PDZD9: variants seen among roughly 807,000 people sequenced by gnomAD.
PDZD9 encodes PDZ domain-containing protein 9.
Under a neutral mutation model 16.3 loss-of-function variants are expected in PDZD9, and 13 were observed. The ratio of observed to expected loss-of-function variants is 0.80; its 90% CI spans 0.52 to 1.27. The LOEUF (loss-of-function observed/expected upper bound fraction) is 1.27. PDZD9 is among the 50% of genes most tolerant of loss of function. The pLI is 0.00. For synonymous variants in PDZD9, 120 were observed against 111.0 expected (o/e 1.08, Z -0.51); for missense variants, 288 against 310.9 (o/e 0.93, Z 0.55).
intron 1 of PDZD9, 90 bp from the exon 2 acceptor site, chr16:21,996,591 C>T: frequency 8.3e-7 from 1 of 1,208,884 alleles, no homozygotes; most frequent in Non-Finnish European, 1.1e-6. Flanking sequence ...ATCCCTGGGA[C>T]AGTTATTTAA....
At chr16:21,965,191 C>T in the PDZD9 span, among the ~76,000 whole-genome samples, 2 of 152,224 alleles carry the variant, frequency 1.3e-5, no homozygotes, top group Non-Finnish European at 2.9e-5. Context: ...TATATAGAAG[C>T]TGCTGCCATG....
At chr16:21,976,573 C>T in the PDZD9 span, 1 of 223,890 alleles carries the variant, frequency 4.5e-6, no homozygotes, top group Non-Finnish European at 8.9e-6. Context: ...GTTTATTGAT[C>T]ATGCATTTTT....
intron 2 of PDZD9, 136 bp from the exon 3 acceptor site, chr16:21,988,927 CCT>C: frequency 6.7e-6 from 4 of 598,304 alleles, no homozygotes; most frequent in East Asian, 7.2e-5. Flanking sequence ...CAGGCTTCAG[CCT>C]TTTTTTTTTT....
At chr16:21,971,900 C>T in the PDZD9 span, 3 of 1,612,608 alleles carry the variant, frequency 1.9e-6, no homozygotes, top group Non-Finnish European at 1.7e-6. Context: ...TTCTTCTTCC[C>T]TCTATCCTTA....
the PDZD9 span, among the ~76,000 whole-genome samples, chr16:21,971,226 T>C: frequency 2.6e-5 from 4 of 152,194 alleles, no homozygotes; most frequent in Admixed American, 2.0e-4. Flanking sequence ...TTGTAAATTA[T>C]GAAAGATAAG....
chr16:21,971,699 C>A, the PDZD9 span: 1 of 1,449,476 alleles, frequency 6.9e-7, no homozygotes, highest in Non-Finnish European at 9.6e-7. Flanking sequence ...GTGGAATAGG[C>A]CTGAATATTT....
chr16:21,985,503 A>C (rs1182443074), intron 3 of PDZD9, among the ~76,000 whole-genome samples: 1 of 151,956 alleles, frequency 6.6e-6, no homozygotes, highest in Non-Finnish European at 1.5e-5. Flanking sequence ...TTGATTGTTG[A>C]AACTAGGTGG....
At chr16:21,998,143 C>G (rs1391079108) in intron 1 of PDZD9, among the ~76,000 whole-genome samples, 1 of 152,186 alleles carries the variant, frequency 6.6e-6, no homozygotes, top group Non-Finnish European at 1.5e-5. Flanking sequence ...CTGCCTGAGC[C>G]TCTGGTTCCT....
downstream of PDZD9, chr16:21,983,124 G>A (rs751628114): frequency 9.3e-6 from 15 of 1,614,104 alleles, no homozygotes; most frequent in African/African-American, 2.7e-5. Context: ...GAAGTCAATG[G>A]CAGCAAGTGG....
chr16:21,962,908 T>C, the PDZD9 span: 2 of 1,607,538 alleles, frequency 1.2e-6, no homozygotes, highest in African/African-American at 2.7e-5. Context: ...CCAGATCACA[T>C]TTGATTCTAA....
downstream of PDZD9, chr16:21,982,983 A>AT: frequency 1.0e-6 from 1 of 960,070 alleles, no homozygotes; most frequent in Non-Finnish European, 1.5e-6. Flanking sequence ...AAAAAAAAAA[A>AT]GAATGTCCTA....
At chr16:21,962,565 G>A in the PDZD9 span, 2 of 1,611,902 alleles carry the variant, frequency 1.2e-6, no homozygotes, top group East Asian at 2.2e-5. Context: ...GAAATACTAA[G>A]CTGCTCACTT....
intron 2 of PDZD9, among the ~76,000 whole-genome samples, chr16:21,989,270 T>C (rs1343269876): frequency 3.9e-5 from 6 of 152,102 alleles, no homozygotes; most frequent in African/African-American, 1.4e-4. Flanking sequence ...GTCCATGATA[T>C]GAATGTCCTT....
chr16:21,992,585 T>G (rs1425849267), intron 2 of PDZD9, among the ~76,000 whole-genome samples: 2 of 152,212 alleles, frequency 1.3e-5, no homozygotes, highest in African/African-American at 4.8e-5. Context: ...TTGCTGAGTC[T>G]TCCAGCCTTC....
At chr16:21,964,351 C>T in the PDZD9 span, among the ~76,000 whole-genome samples, 1 of 151,946 alleles carries the variant, frequency 6.6e-6, no homozygotes, top group Admixed American at 6.6e-5. Context: ...TGTCAGCCTC[C>T]AGGTTTACGT....
chr16:21,989,732 G>A (rs1898976733), intron 2 of PDZD9, among the ~76,000 whole-genome samples: 1 of 152,148 alleles, frequency 6.6e-6, no homozygotes, highest in Admixed American at 6.5e-5. Flanking sequence ...CTACCTTAGG[G>A]CAACGCAGGA....
chr16:21,995,356 G>C lies in PDZD9; in HGVS notation c.211+966C>G, dbSNP rs894698498. ...AACCTCTTTTCTTATAAATGACCCA[G>C]TTTCAGGTATTTCTTTATAGCAGTG... On this transcript the variant is annotated intron_variant, in intron 2 of 3. Coordinates refer to ENST00000424898, the MANE Select transcript of PDZD9 (RefSeq NM_001363519.1). 1.8e-4 allele frequency: 76 copies of C among 421,272 alleles called. 1 individual carries two copies. Among genetic ancestry groups the C allele is most frequent in the Non-Finnish European group, 1.8e-4 (39 of 212,678 alleles). 26.1% of individuals were successfully genotyped at this position (421,272 alleles called of 1,614,324 possible).
At chr16:22,000,613 TC>T (rs1899270668) in intron 1 of PDZD9, among the ~76,000 whole-genome samples, 1 of 151,878 alleles carries the variant, frequency 6.6e-6, no homozygotes, top group African/African-American at 2.4e-5. Context: ...TCACTTGAGG[TC>T]AGGAGTTTGA....
chr16:21,974,392 A>G, the PDZD9 span, among the ~76,000 whole-genome samples: 1 of 152,328 alleles, frequency 6.6e-6, no homozygotes, highest in African/African-American at 2.4e-5. Flanking sequence ...TTAAGGAGCA[A>G]GTGGCTAAGA....
Sources: allele counts gnomAD v4.1 joint callset (sites outside exome capture counted in the v4.1 genomes callset), GRCh38; gene constraint gnomAD v4.1.1; transcripts MANE v1.5; gene names NCBI Gene and HGNC (gene_info 2026-07-23, HGNC 2026-07-21).